The following PDXDC1 variants were observed in gnomAD, a reference collection of about 807,000 sequenced individuals.
PDXDC1 encodes the protein pyridoxal dependent decarboxylase domain containing 1.
Under a neutral mutation model 100.1 loss-of-function variants are expected in PDXDC1, and 42 were observed. That is an observed-to-expected ratio of 0.42 (90% CI 0.33 to 0.54). The LOEUF is 0.54. Ranked by LOEUF, PDXDC1 falls within the 20% of genes least tolerant of loss-of-function variation. The pLI is 0.10. For missense variants in PDXDC1, 636 were observed against 979.2 expected (o/e 0.65, Z 4.68); for synonymous variants, 260 against 371.7 (o/e 0.70, Z 3.46).
chr16:15,043,380 C>T (rs980606853), intron 16 of PDXDC1, among the ~76,000 whole-genome samples: 4 of 152,178 alleles, frequency 2.6e-5, no homozygotes, highest in African/African-American at 9.7e-5. Context: ...CCTGTCTCCA[C>T]AAAAAATTTA....
In PDXDC1 at chr16:15,133,305, C is replaced by G. The variant is rs549670276; in HGVS notation, c.1400-5574C>G. On this transcript the variant is annotated intron_variant, in intron 16 of 16. Coordinates refer to the PDXDC1 transcript ENST00000535621. ...ACCAGGGCCAGCGAGTACTCGATGA[C>G]GTGCTGGGGATCGGCCTGCCGCAGC... 5 of 1,570,766 alleles carry G rather than the reference C, an allele frequency of 3.2e-6. No homozygotes were observed. The East Asian group carries it at 1.1e-4, about 36-fold the overall frequency.
At chr16:15,023,458 A>C (rs1387145629) in intron 13 of PDXDC1, among the ~76,000 whole-genome samples, 16 of 152,398 alleles carry the variant, frequency 1.0e-4, no homozygotes, top group African/African-American at 3.8e-4. Context: ...TTGGGGTTCA[A>C]GTCAGTAGGT....
rs1597877343 is a variant in PDXDC1, at chr16:15,065,198, T to C, written c.1399+35142T>C. On this transcript the variant is annotated intron_variant, in intron 16 of 16. Transcript: ENST00000535621. ...AAAAAAAAATCCACCTCCTCCAGCG[T>C]CAATGTTTAAAAGTACCTACCTCTT... 4 of 1,561,488 alleles carry C rather than the reference T, an allele frequency of 2.6e-6. No individual in the cohort carries two copies. In the East Asian group the frequency reaches 6.8e-5, roughly 26 times the overall value.
chr16:15,032,059 A>G (rs1265330879), intron 17 of PDXDC1, 153 bp downstream of exon 17: 2 of 700,336 alleles, frequency 2.9e-6, no homozygotes, highest in East Asian at 5.5e-5. Flanking sequence ...CATTTACAAA[A>G]GCACAGTGCA....
At chr16:15,072,205 G>A (rs1300572165) in intron 16 of PDXDC1, among the ~76,000 whole-genome samples, 1 of 148,446 alleles carries the variant, frequency 6.7e-6, no homozygotes, top group East Asian at 2.0e-4. Context: ...CCACAAAATC[G>A]TTGCAGAGAA....
intron 17 of PDXDC1, chr16:15,032,653 T>TA (rs377361206): frequency 0.016 from 3,425 of 216,234 alleles, 6 homozygotes; most frequent in Middle Eastern, 0.02. Context: ...GACCCTGCTT[T>TA]AAAAAAAAAA....
chr16:15,117,416 T>C (rs1394425599), intron 16 of PDXDC1, among the ~76,000 whole-genome samples: 1 of 146,992 alleles, frequency 6.8e-6, no homozygotes, highest in African/African-American at 2.5e-5. Context: ...ATCCCAGCAC[T>C]GGGAGGCCGA....
intron 16 of PDXDC1, chr16:15,086,181 C>T (rs756188965): frequency 8.8e-6 from 14 of 1,599,068 alleles, no homozygotes; most frequent in South Asian, 6.7e-5. Flanking sequence ...GGAAAACAGT[C>T]TGTGCTGATA....
intron 16 of PDXDC1, among the ~76,000 whole-genome samples, chr16:15,049,003 C>T (rs530115747): frequency 3.5e-4 from 51 of 146,126 alleles, no homozygotes; most frequent in Admixed American, 1.7e-3. Context: ...AAGCAATCCA[C>T]CCACCCTGGC....
chr16:15,093,165 C>T (rs548629650), intron 16 of PDXDC1, among the ~76,000 whole-genome samples: 2 of 152,052 alleles, frequency 1.3e-5, no homozygotes, highest in Non-Finnish European at 2.9e-5. Context: ...CCACCATGCC[C>T]GGCTGATTTT....
the PDXDC1 span, among the ~76,000 whole-genome samples, chr16:15,151,746 A>G: frequency 1.7e-5 from 2 of 116,456 alleles, no homozygotes; most frequent in African/African-American, 5.4e-5. Flanking sequence ...AGCCTGACCA[A>G]TATGGAGAAA....
chr16:15,128,038 C>A (rs1287928853), intron 16 of PDXDC1: 2 of 1,601,664 alleles, frequency 1.2e-6, no homozygotes, highest in Non-Finnish European at 1.7e-6. Flanking sequence ...TGGCCTCCGT[C>A]TCCACCGAAA....
At chr16:15,007,231 C>T (rs1268526621) in intron 6 of PDXDC1, among the ~76,000 whole-genome samples, 8 of 125,228 alleles carry the variant, frequency 6.4e-5, no homozygotes, top group Admixed American at 1.1e-4. Flanking sequence ...AGTGCAGTGG[C>T]GTGATCTCGG....
intron 16 of PDXDC1, among the ~76,000 whole-genome samples, chr16:15,071,713 A>C (rs1189049963): frequency 1.3e-5 from 2 of 152,224 alleles, no homozygotes; most frequent in African/African-American, 4.8e-5. Flanking sequence ...GGTTGCAGTG[A>C]GCTGAGATCA....
At chr16:14,980,894 C>T (rs1487197116) in intron 1 of PDXDC1, among the ~76,000 whole-genome samples, 1 of 152,282 alleles carries the variant, frequency 6.6e-6, no homozygotes, top group Non-Finnish European at 1.5e-5. Flanking sequence ...GCCACTGCAC[C>T]CGGCCTTGAT....
At position 15,109,951 on chromosome 16, in the gene PDXDC1, C is replaced by T. The variant is rs1418684990; in HGVS notation, c.1400-28928C>T. 4.0e-3 allele frequency among the ~76,000 whole-genome samples: 572 copies of T among 142,864 alleles called. 11 individuals carry two copies. The highest frequency in any genetic ancestry group is 0.013 in the African/African-American group (529 of 39,972). The allele number at this position is 142,864 out of a possible 152,430, so 93.7% of individuals were successfully genotyped here. A position where few individuals can be genotyped will look rare whatever the true frequency, so the allele number is the denominator to read the frequency against. On this transcript the variant is annotated intron_variant, in intron 16 of 16. Transcript: ENST00000535621. The stretch of plus-strand genomic sequence containing the variant: ...GGTGGATTACCTGAGGTCAGAAGTT[C>T]GAGACCAGCCTGGACAACATGGTGA...
downstream of PDXDC1, chr16:15,041,012 A>G: frequency 8.3e-7 from 1 of 1,209,988 alleles, no homozygotes; most frequent in East Asian, 2.3e-5. Flanking sequence ...GCTGAATTAG[A>G]CTTTAACTGC....
At chr16:15,104,381 A>C (rs747550646) in intron 16 of PDXDC1, 14 of 1,596,400 alleles carry the variant, frequency 8.8e-6, no homozygotes, top group African/African-American at 2.7e-5. Flanking sequence ...CTGAGGGTGG[A>C]AGGGGAGTGA....
At position 15,037,832 on chromosome 16, in the gene PDXDC1, CA is replaced by C. The variant is rs2043578914; in HGVS notation, c.*1563del. On this transcript the variant is annotated 3_prime_UTR_variant, in exon 23 of 23. Coordinates refer to ENST00000396410, the MANE Select transcript of PDXDC1 (RefSeq NM_015027.4). ...ACTGGACATCAATTTTTTAGTAAAC[CA>C]AAAAATAAGTCTCAACAAATGCCTT... 3 of 474,562 alleles carry C rather than the reference CA, an allele frequency of 6.3e-6. No individual in the cohort carries two copies. The highest frequency in any genetic ancestry group is 3.3e-5 in the East Asian group (1 of 30,420). The allele number at this position is 474,562 out of a possible 1,614,324, so 29.4% of individuals were successfully genotyped here.
Sources: allele counts gnomAD v4.1 joint callset (sites outside exome capture counted in the v4.1 genomes callset), GRCh38; gene constraint gnomAD v4.1.1; transcripts MANE v1.5; gene names NCBI Gene and HGNC (gene_info 2026-07-23, HGNC 2026-07-21).